Variants in NCOA3 observed in about 807,000 individuals in gnomAD.
The protein encoded by NCOA3 is CBP-interacting protein.
In NCOA3, 51 loss-of-function variants were observed where a neutral mutation model predicts 158.8. The ratio of observed to expected loss-of-function variants is 0.32; its 90% CI spans 0.26 to 0.41. The LOEUF (loss-of-function observed/expected upper bound fraction) is 0.41. Among genes scored for constraint, NCOA3 ranks in the 10% least tolerant of loss-of-function variants. The pLI is 1.00. For missense variants in NCOA3, 1,510 were observed against 1,746.6 expected, an observed-to-expected ratio of 0.86 and a Z score of 2.41; for synonymous variants, 537 against 592.4, an observed-to-expected ratio of 0.91 and a Z score of 1.36.
intron 16 of NCOA3, among the ~76,000 whole-genome samples, chr20:47,640,717 T>TG (rs1555815931): frequency 2.8e-5 from 3 of 107,896 alleles, no homozygotes; most frequent in African/African-American, 6.8e-5. Context: ...CTGTCTCTAC[T>TG]AAAAAAAAAA....
chr20:47,512,710 A>G (rs2084166913), intron 1 of NCOA3, among the ~76,000 whole-genome samples: 1 of 152,192 alleles, frequency 6.6e-6, no homozygotes, highest in Non-Finnish European at 1.5e-5. Flanking sequence ...ATACCACTAT[A>G]CACTCACTAT....
In NCOA3 at chr20:47,505,800, C is replaced by CTT. The variant is rs11434305; in HGVS notation, c.-99+3799_-99+3800dup. Among the ~76,000 whole-genome samples the CTT allele has an allele frequency of 8.1e-3, 964 of 119,090 alleles. 25 individuals carry two copies. The highest frequency in any genetic ancestry group is 0.014 in the Middle Eastern group (3 of 218). The allele number at this position is 119,090 out of a possible 152,430, so 78.1% of individuals were successfully genotyped here. On this transcript the variant is annotated intron_variant, in intron 1 of 22. Transcript: ENST00000371998. Reference sequence around the variant, plus strand: ...TGCAGTAAAATGTAGGCATTTTCTCCTTTTTTTTTTTTTTTTTTTGAGACA... The same window carrying CTT: ...TGCAGTAAAATGTAGGCATTTTCTCCTTTTTTTTTTTTTTTTTTTTTGAGACA...
At chr20:47,641,243 C>G (rs972519336) in intron 16 of NCOA3, among the ~76,000 whole-genome samples, 1 of 151,928 alleles carries the variant, frequency 6.6e-6, no homozygotes, top group Non-Finnish European at 1.5e-5. Context: ...GTTACACTTG[C>G]CAATATGAGC....
At chr20:47,504,875 T>C (rs1476491774) in intron 1 of NCOA3, among the ~76,000 whole-genome samples, 1 of 151,788 alleles carries the variant, frequency 6.6e-6, no homozygotes, top group African/African-American at 2.4e-5. Flanking sequence ...CTTGGAGTAC[T>C]GTAATTGAAA....
chr20:47,539,378 A>G (rs1372666256), intron 1 of NCOA3, among the ~76,000 whole-genome samples: 3 of 152,246 alleles, frequency 2.0e-5, no homozygotes, highest in African/African-American at 4.8e-5. Flanking sequence ...CTAATAGAAC[A>G]TAAACTATTT....
At chr20:47,578,622 T>C (rs866566569) in intron 1 of NCOA3, among the ~76,000 whole-genome samples, 3 of 152,242 alleles carry the variant, frequency 2.0e-5, no homozygotes, top group Admixed American at 6.5e-5. Flanking sequence ...AAGATACTTA[T>C]CACTTGATAA....
intron 1 of NCOA3, among the ~76,000 whole-genome samples, chr20:47,508,116 T>C (rs2084058173): frequency 6.6e-6 from 1 of 152,146 alleles, no homozygotes; most frequent in Non-Finnish European, 1.5e-5. Flanking sequence ...ATATGAAAAT[T>C]TTCAGAAACA....
chr20:47,505,423 TTTTAA>T (rs1204991795), intron 1 of NCOA3, among the ~76,000 whole-genome samples: 5 of 152,090 alleles, frequency 3.3e-5, no homozygotes, highest in African/African-American at 9.7e-5. Flanking sequence ...TTTTGAAAAC[TTTTAA>T]TTTGTTGCAA....
chr20:47,615,688 A>G (rs2086120100), intron 2 of NCOA3, among the ~76,000 whole-genome samples: 1 of 152,166 alleles, frequency 6.6e-6, no homozygotes, highest in Non-Finnish European at 1.5e-5. Context: ...CATAGCTTGA[A>G]TGTTACGTAT....
chr20:47,616,520 A>G, intron 2 of NCOA3, among the ~76,000 whole-genome samples: 1 of 152,160 alleles, frequency 6.6e-6, no homozygotes, highest in Non-Finnish European at 1.5e-5. Flanking sequence ...TAAAGTGTGC[A>G]TTGCCATATT....
rs1028191152 is a variant in NCOA3, at chr20:47,633,510, A to G, written c.838A>G (p.Ile280Val). Residue 280 changes from isoleucine to valine, a missense_variant, in exon 9 of 23, where the codon ATA (isoleucine) becomes GTA (valine). Transcript: ENST00000371998. Reference sequence around the variant, plus strand: ...TTGTTTAATAGGAAAGGTTGTCAATATAGATACAAATTCACTGAGATCCTC... The same window carrying G: ...TTGTTTAATAGGAAAGGTTGTCAATGTAGATACAAATTCACTGAGATCCTC... ...RHDLSGKVVN[I>V]DTNSLRSSMR... 11 of 1,610,724 alleles carry G rather than the reference A, an allele frequency of 6.8e-6. No homozygotes were observed. Among genetic ancestry groups the G allele is most frequent in the Non-Finnish European group, 9.3e-6 (11 of 1,178,876 alleles).
At chr20:47,565,540 ACT>A (rs1427928072) in intron 1 of NCOA3, among the ~76,000 whole-genome samples, 2 of 151,798 alleles carry the variant, frequency 1.3e-5, no homozygotes, top group African/African-American at 4.8e-5. Context: ...ACATGGTGAA[ACT>A]CTGTCTCTAC....
intron 1 of NCOA3, among the ~76,000 whole-genome samples, chr20:47,575,241 C>T (rs577712202): frequency 3.9e-5 from 6 of 152,212 alleles, no homozygotes; most frequent in Non-Finnish European, 5.9e-5. Flanking sequence ...AAAATTTTAT[C>T]GCATCCATTT....
At chr20:47,612,651 A>C in intron 2 of NCOA3, among the ~76,000 whole-genome samples, 1 of 152,264 alleles carries the variant, frequency 6.6e-6, no homozygotes, top group East Asian at 1.9e-4. Flanking sequence ...CAGGTTGTTT[A>C]AACTGAAGCC....
intron 1 of NCOA3, among the ~76,000 whole-genome samples, chr20:47,525,753 G>A (rs1266539958): frequency 8.5e-6 from 1 of 117,062 alleles, no homozygotes; most frequent in African/African-American, 3.9e-5. Context: ...CGGCTGGCCG[G>A]GCGGGGGGCT....
chr20:47,537,440 T>TG (rs369849746), intron 1 of NCOA3, among the ~76,000 whole-genome samples: 459 of 27,564 alleles, frequency 0.017, no homozygotes, highest in Non-Finnish European at 0.023. Context: ...TCGGCGGGGG[T>TG]GGGGGGGGGA....
In NCOA3 at chr20:47,600,395, C is replaced by T. The variant is rs577789157; in HGVS notation, c.-20+17134C>T. On this transcript the variant is annotated intron_variant, in intron 2 of 22. Transcript: ENST00000371998. ...TTCATCATGTTGGCCAGACTGGTCT[C>T]GAACTCGTGACCTCAGACAATCTGC... Among the ~76,000 whole-genome samples, 18 of 151,828 alleles carry T rather than the reference C, an allele frequency of 1.2e-4. No individual in the cohort carries two copies. The South Asian group carries it at 2.3e-3, about 19-fold the overall frequency.
intron 20 of NCOA3, 89 bp from the exon 21 acceptor site, chr20:47,652,317 T>TAA: frequency 1.1e-4 from 112 of 1,015,244 alleles, no homozygotes; most frequent in South Asian, 1.4e-4. Context: ...CCACCTCCTT[T>TAA]AAAAAAAAAA....
At chr20:47,582,878 T>C (rs2085476170) in intron 1 of NCOA3, among the ~76,000 whole-genome samples, 1 of 152,348 alleles carries the variant, frequency 6.6e-6, no homozygotes, top group South Asian at 2.1e-4. Context: ...CACTGCAACC[T>C]CTGCCTCCCA....
Sources: gnomAD v4.1 joint callset for allele counts (sites outside exome capture counted in the v4.1 genomes callset) on GRCh38, gnomAD v4.1.1 for gene constraint, MANE v1.5 for transcripts, NCBI Gene and HGNC (gene_info 2026-07-23, HGNC 2026-07-21) for gene names.